Variants in CSMD3 observed in about 807,000 individuals in gnomAD.
The protein encoded by CSMD3 is CUB and Sushi multiple domains 3.
CSMD3 carries 177 observed loss-of-function variants against 435.2 expected under a neutral mutation model. The observed-to-expected ratio is 0.41, with a 90% CI of 0.36 to 0.46. CSMD3 has a LOEUF of 0.46. CSMD3 is among the 20% of genes least tolerant of loss of function. CSMD3 has a pLI of 0.34. For synonymous variants in CSMD3, 1,656 were observed against 1,520.5 expected (o/e 1.09, Z -2.07); for missense variants, 4,265 against 4,504.6 (o/e 0.95, Z 1.52).
At chr8:113,360,498 T>C (rs992885829) in intron 1 of CSMD3, among the ~76,000 whole-genome samples, 3 of 151,854 alleles carry the variant, frequency 2.0e-5, no homozygotes, top group Non-Finnish European at 2.9e-5. Context: ...CTGGGACACA[T>C]GTAAAAGTGA....
intron 27 of CSMD3, among the ~76,000 whole-genome samples, chr8:112,537,729 A>G (rs1826259635): frequency 6.8e-6 from 1 of 147,214 alleles, no homozygotes; most frequent in Non-Finnish European, 1.5e-5. Context: ...TCAAAGTAGT[A>G]AAAAAAAAAA....
chr8:112,792,716 T>C (rs1006427168), intron 13 of CSMD3, among the ~76,000 whole-genome samples: 1 of 152,182 alleles, frequency 6.6e-6, no homozygotes, highest in African/African-American at 2.4e-5. Flanking sequence ...AAGTTGATTA[T>C]TGTATATTGC....
rs1178302617 is a variant in CSMD3, at chr8:112,584,066, T to C, written c.3885+3000A>G. 2.0e-5 allele frequency among the ~76,000 whole-genome samples: 3 copies of C among 151,958 alleles called. No individual in the cohort carries two copies. The East Asian group carries it at 5.8e-4, about 29-fold the overall frequency. ...TTACAAAAAAAAAGTTTCAATCTGG[T>C]ATAAAGTTAATGACTCAAAATTATC... On this transcript the variant is annotated intron_variant, in intron 23 of 70. Coordinates refer to ENST00000297405, the MANE Select transcript of CSMD3 (RefSeq NM_198123.2).
At chr8:112,980,265 G>A (rs1409056475) in intron 6 of CSMD3, among the ~76,000 whole-genome samples, 2 of 150,774 alleles carry the variant, frequency 1.3e-5, no homozygotes, top group Non-Finnish European at 3.0e-5. Flanking sequence ...CTAGAGATAT[G>A]CATGGATGAC....
intron 5 of CSMD3, among the ~76,000 whole-genome samples, chr8:113,065,026 G>C (rs2088792329): frequency 6.6e-6 from 1 of 152,152 alleles, no homozygotes; most frequent in Non-Finnish European, 1.5e-5. Context: ...GTGGTGTTCT[G>C]TTGTATCTAC....
chr8:112,857,105 T>C (rs748821938), intron 11 of CSMD3, among the ~76,000 whole-genome samples: 11 of 151,784 alleles, frequency 7.2e-5, no homozygotes, highest in Non-Finnish European at 1.2e-4. Context: ...TGTGTGTGTG[T>C]CTGTGTGTTT....
chr8:112,309,496 T>C (rs1821755925), intron 50 of CSMD3, among the ~76,000 whole-genome samples: 2 of 151,954 alleles, frequency 1.3e-5, no homozygotes, highest in Admixed American at 6.6e-5. Context: ...AAATTTGACA[T>C]CAAAGATTCT....
intron 13 of CSMD3, among the ~76,000 whole-genome samples, chr8:112,760,747 T>G (rs903769577): frequency 6.6e-6 from 1 of 152,150 alleles, no homozygotes; most frequent in African/African-American, 2.4e-5. Flanking sequence ...CACCATAATC[T>G]CCAGCACCAA....
At chr8:112,336,555 T>A (rs74751174) in intron 44 of CSMD3, 97 bp downstream of exon 44, 1 of 958,120 alleles carries the variant, frequency 1.0e-6, no homozygotes, top group Non-Finnish European at 1.7e-6. Context: ...AAATATCAGA[T>A]GACAATTTGT....
intron 2 of CSMD3, among the ~76,000 whole-genome samples, chr8:113,290,068 G>T (rs1158278238): frequency 6.6e-6 from 1 of 151,606 alleles, no homozygotes; most frequent in East Asian, 1.9e-4. Flanking sequence ...TACAATCTAT[G>T]CCAACAAATA....
chr8:112,369,179 A>T (rs1402319030), intron 38 of CSMD3, among the ~76,000 whole-genome samples: 1 of 152,128 alleles, frequency 6.6e-6, no homozygotes, highest in African/African-American at 2.4e-5. Context: ...GGTTCTTTTC[A>T]TATTATTAAA....
At chr8:113,052,388 G>A (rs1056490519) in intron 5 of CSMD3, among the ~76,000 whole-genome samples, 1 of 152,156 alleles carries the variant, frequency 6.6e-6, no homozygotes. Flanking sequence ...GTAAGTAAAG[G>A]ATACATTCAA....
intron 3 of CSMD3, among the ~76,000 whole-genome samples, chr8:113,196,144 C>A (rs980709270): frequency 4.6e-5 from 7 of 150,984 alleles, no homozygotes; most frequent in African/African-American, 1.7e-4. Context: ...CTCTCTTAAG[C>A]TATTAGCTAT....
At chr8:113,316,482 T>C (rs1197846536) in intron 1 of CSMD3, among the ~76,000 whole-genome samples, 2 of 152,042 alleles carry the variant, frequency 1.3e-5, no homozygotes, top group Non-Finnish European at 1.5e-5. Flanking sequence ...GTACATTTAT[T>C]CCACATTCTT....
At chr8:113,139,774 T>C (rs990488276) in intron 4 of CSMD3, among the ~76,000 whole-genome samples, 4 of 151,130 alleles carry the variant, frequency 2.6e-5, no homozygotes, top group African/African-American at 4.8e-5. Context: ...CAAAGTTGAT[T>C]GGAAAGCAGG....
intron 62 of CSMD3, 115 bp from the exon 63 acceptor site, chr8:112,254,441 T>C (rs1247799868): frequency 1.3e-6 from 1 of 768,292 alleles, no homozygotes; most frequent in Non-Finnish European, 2.3e-6. Flanking sequence ...TAGGAAATAA[T>C]AAATAATGTA....
At chr8:112,831,562 T>TC (rs1033473759) in intron 11 of CSMD3, among the ~76,000 whole-genome samples, 4 of 151,900 alleles carry the variant, frequency 2.6e-5, no homozygotes, top group African/African-American at 9.7e-5. Flanking sequence ...AAAGTGTTTT[T>TC]TTTTTTTTCG....
intron 5 of CSMD3, among the ~76,000 whole-genome samples, chr8:113,084,784 A>T (rs1054218159): frequency 6.6e-6 from 1 of 152,044 alleles, no homozygotes; most frequent in African/African-American, 2.4e-5. Context: ...AATAAAACAT[A>T]ATAGAGAACC....
chr8:112,717,119 A>G (rs1030726280), intron 13 of CSMD3, among the ~76,000 whole-genome samples: 8 of 152,126 alleles, frequency 5.3e-5, no homozygotes, highest in African/African-American at 1.9e-4. Context: ...AACTATCATC[A>G]GAGTGAACAG....
Sources: gnomAD v4.1 joint callset for allele counts (sites outside exome capture counted in the v4.1 genomes callset) on GRCh38, gnomAD v4.1.1 for gene constraint, MANE v1.5 for transcripts, NCBI Gene and HGNC (gene_info 2026-07-23, HGNC 2026-07-21) for gene names.